The following CHURC1 variants were observed in gnomAD, a reference collection of about 807,000 sequenced individuals.
The protein encoded by CHURC1 is protein Churchill.
In CHURC1, 12 loss-of-function variants were observed where a neutral mutation model predicts 15.4. The observed-to-expected ratio is 0.78, with a 90% CI of 0.50 to 1.27. The LOEUF is 1.27. Among genes scored for constraint, CHURC1 ranks in the 50% most tolerant of loss-of-function variants. The pLI, the probability that CHURC1 is intolerant of heterozygous loss-of-function variation, is 0.00. For synonymous variants in CHURC1, 42 were observed against 47.5 expected, an observed-to-expected ratio of 0.88 and a Z score of 0.48; for missense variants, 132 against 137.8, an observed-to-expected ratio of 0.96 and a Z score of 0.21.
intron 2 of CHURC1, among the ~76,000 whole-genome samples, chr14:64,925,273 T>C (rs1884595041): frequency 6.6e-6 from 1 of 152,262 alleles, no homozygotes; most frequent in Non-Finnish European, 1.5e-5. Context: ...GATTATTTTG[T>C]TACCATTAAA....
Position 64,934,232 on chromosome 14 carries a change from C to A in CHURC1, c.*2002C>A. The A allele has an allele frequency of 3.2e-6, 1 of 312,174 alleles. No homozygotes were observed. Among genetic ancestry groups the A allele is most frequent in the Non-Finnish European group, 4.7e-6 (1 of 214,898 alleles). The allele number at this position is 312,174 out of a possible 1,614,324, so 19.3% of individuals were successfully genotyped here. A position where few individuals can be genotyped will look rare whatever the true frequency, so the allele number is the denominator to read the frequency against. On this transcript the variant is annotated 3_prime_UTR_variant, in exon 4 of 4. Coordinates refer to ENST00000549115, the MANE Select transcript of CHURC1 (RefSeq NM_001386928.1). The stretch of plus-strand genomic sequence containing the variant: ...GGGGTGGTGGTATGCACCTGCAGTC[C>A]CAGCAACATGGGAGGCTGAACAGGA...
Position 64,932,954 on chromosome 14 carries a change from C to T in CHURC1, c.*724C>T, listed in dbSNP as rs1410085290. 6.6e-6 allele frequency: 1 copy of T among 152,186 alleles called. No homozygotes were observed. Among genetic ancestry groups the T allele is most frequent in the Non-Finnish European group, 1.5e-5 (1 of 68,084 alleles). 9.4% of individuals were successfully genotyped at this position (152,186 alleles called of 1,614,324 possible). On this transcript the variant is annotated 3_prime_UTR_variant, in exon 4 of 4. Transcript: ENST00000549115. ...CTTTACAGTGGAGAAATCTGACAGA[C>T]ACCAGCTCAGCCAGGTGATTGAGGT...
intron 1 of CHURC1, among the ~76,000 whole-genome samples, chr14:64,916,347 T>G (rs958254443): frequency 1.3e-5 from 2 of 152,158 alleles, no homozygotes; most frequent in African/African-American, 4.8e-5. Context: ...TCTTCCCGGG[T>G]GCAAGCAGTG....
chr14:64,929,727 G>A (rs538117532), intron 3 of CHURC1, among the ~76,000 whole-genome samples: 3 of 152,046 alleles, frequency 2.0e-5, no homozygotes, highest in East Asian at 3.9e-4. Context: ...AATTCCAAAC[G>A]TATCACTACC....
At chr14:64,922,564 C>T (rs1421406578) in intron 1 of CHURC1, among the ~76,000 whole-genome samples, 3 of 118,894 alleles carry the variant, frequency 2.5e-5, no homozygotes, top group East Asian at 2.5e-4. Context: ...GGTGACAGAG[C>T]GAGACTCCGT....
intron 1 of CHURC1, among the ~76,000 whole-genome samples, chr14:64,915,759 T>G (rs1883843364): frequency 6.6e-6 from 1 of 152,230 alleles, no homozygotes. Context: ...AAAATGCATG[T>G]GTATATGCTT....
At chr14:64,931,768 A>G (rs2139920756) in intron 3 of CHURC1, among the ~76,000 whole-genome samples, 1 of 152,320 alleles carries the variant, frequency 6.6e-6, no homozygotes, top group African/African-American at 2.4e-5. Flanking sequence ...TCTCCTTTCA[A>G]AAAATTGTTT....
chr14:64,921,153 C>T (rs546527701), intron 1 of CHURC1, among the ~76,000 whole-genome samples: 13 of 152,158 alleles, frequency 8.5e-5, no homozygotes, highest in East Asian at 5.8e-4. Flanking sequence ...GAAATCCATA[C>T]GCAACTAAAT....
rs1885104924 is a variant in CHURC1, at chr14:64,932,038, A to G, written c.247-100A>G. The G allele has an allele frequency of 4.9e-6, 7 of 1,436,712 alleles. No individual in the cohort carries two copies. The South Asian group carries it at 5.7e-5, about 12-fold the overall frequency. 89.0% of individuals were successfully genotyped at this position (1,436,712 alleles called of 1,614,324 possible). A position where few individuals can be genotyped will look rare whatever the true frequency, so the allele number is the denominator to read the frequency against. The stretch of plus-strand genomic sequence containing the variant: ...GAAATTGATCCAATGTACAGAAAGA[A>G]TATTCATGACAATTTGTAGAGAACA... On this transcript the variant is annotated intron_variant, in intron 3 of 3. Transcript: ENST00000549115.
At position 64,934,979 on chromosome 14, in the gene CHURC1, A is replaced by G; in HGVS notation, c.*2749A>G. ...AGATTCTTATGTGGATCTAATAACGACCACTTGAACCCAGTTTCACAGAAT... is the reference window on the plus strand; with the variant it reads ...AGATTCTTATGTGGATCTAATAACGGCCACTTGAACCCAGTTTCACAGAAT... On this transcript the variant is annotated 3_prime_UTR_variant, in exon 4 of 4. Coordinates refer to ENST00000549115, the MANE Select transcript of CHURC1 (RefSeq NM_001386928.1). The G allele has an allele frequency of 1.0e-6, 1 of 984,234 alleles. No individual in the cohort carries two copies. The highest frequency in any genetic ancestry group is 1.7e-5 in the African/African-American group (1 of 57,268). The allele number at this position is 984,234 out of a possible 1,614,324, so 61.0% of individuals were successfully genotyped here.
At chr14:64,923,353 T>G (rs1884458074) in intron 1 of CHURC1, among the ~76,000 whole-genome samples, 1 of 151,984 alleles carries the variant, frequency 6.6e-6, no homozygotes, top group South Asian at 2.1e-4. Flanking sequence ...TTTTGAAAAT[T>G]TGTATAGTTT....
At chr14:64,919,648 C>T (rs530005354) in intron 1 of CHURC1, among the ~76,000 whole-genome samples, 7 of 152,154 alleles carry the variant, frequency 4.6e-5, no homozygotes, top group East Asian at 3.9e-4. Context: ...CTTCGGAGGC[C>T]GAGGCTAGCA....
intron 3 of CHURC1, among the ~76,000 whole-genome samples, chr14:64,930,242 G>A (rs1258528174): frequency 1.3e-5 from 2 of 152,144 alleles, no homozygotes. Flanking sequence ...ATGACTGGGG[G>A]AATTATTTTC....
At chr14:64,914,689 C>T (rs1883735600) in intron 1 of CHURC1, among the ~76,000 whole-genome samples, 155 bp downstream of exon 1, 1 of 152,258 alleles carries the variant, frequency 6.6e-6, no homozygotes, top group African/African-American at 2.4e-5. Context: ...CAGGGATGGC[C>T]TGTGGCGGTC....
At chr14:64,927,725 C>CCCG (rs1555383711) in intron 3 of CHURC1, among the ~76,000 whole-genome samples, 6 of 109,376 alleles carry the variant, frequency 5.5e-5, no homozygotes, top group Non-Finnish European at 7.5e-5. Context: ...CACCCCCCCC[C>CCCG]CCGCCGTCAA....
rs1481908777 is a variant in CHURC1, at chr14:64,932,119, G to A, written c.247-19G>A. 6.2e-7 allele frequency: 1 copy of A among 1,605,618 alleles called. No homozygotes were observed. The highest frequency in any genetic ancestry group is 1.1e-5 in the South Asian group (1 of 90,278). On this transcript the variant is annotated intron_variant, in intron 3 of 3. Transcript: ENST00000549115. ...TTTCCCTGTTCCTCTAGGTAATTAT[G>A]CACTTTATCTTGTTCTAGGAGTATA...
chr14:64,931,486 A>T (rs1037646362), intron 3 of CHURC1, among the ~76,000 whole-genome samples: 3 of 151,984 alleles, frequency 2.0e-5, no homozygotes, highest in Non-Finnish European at 4.4e-5. Flanking sequence ...GTGAACCATC[A>T]TTGCACCACT....
chr14:64,922,387 G>A (rs1884365469), intron 1 of CHURC1, among the ~76,000 whole-genome samples: 1 of 151,886 alleles, frequency 6.6e-6, no homozygotes, highest in South Asian at 2.1e-4. Context: ...GACCATCCTG[G>A]CTAGCATAGT....
intron 1 of CHURC1, among the ~76,000 whole-genome samples, chr14:64,915,198 C>T (rs762520337): frequency 1.3e-5 from 2 of 152,234 alleles, no homozygotes; most frequent in African/African-American, 2.4e-5. Context: ...CAGGGTGCTG[C>T]TGTTGCCCAG....
Sources: allele counts gnomAD v4.1 joint callset (sites outside exome capture counted in the v4.1 genomes callset), GRCh38; gene constraint gnomAD v4.1.1; transcripts MANE v1.5; gene names NCBI Gene and HGNC (gene_info 2026-07-23, HGNC 2026-07-21).